Variants in MAP2 observed in about 807,000 individuals in gnomAD.
The protein encoded by MAP2 is microtubule-associated protein 2.
Under a neutral mutation model 137.6 loss-of-function variants are expected in MAP2, and 14 were observed. The observed-to-expected ratio is 0.10, with a 90% confidence interval of 0.07 to 0.16. The LOEUF is 0.16. Ranked by LOEUF, MAP2 falls within the 10% of genes least tolerant of loss-of-function variation. The probability of loss-of-function intolerance (pLI) is 1.00; values close to 1 mark genes in which losing one functional copy is unlikely to be tolerated. For missense variants in MAP2, 2,088 were observed against 2,191.5 expected, an observed-to-expected ratio of 0.95 and a Z score of 0.94; for synonymous variants, 786 against 782.3, an observed-to-expected ratio of 1.00 and a Z score of -0.08.
chr2:209,521,720 T>C (rs918363277), intron 2 of MAP2, among the ~76,000 whole-genome samples: 2 of 152,092 alleles, frequency 1.3e-5, no homozygotes, highest in South Asian at 2.1e-4. Context: ...CCATCTGAGC[T>C]GATATACCAG....
chr2:209,594,108 G>A (rs1312559207), intron 3 of MAP2, among the ~76,000 whole-genome samples: 4 of 135,988 alleles, frequency 2.9e-5, no homozygotes, highest in South Asian at 4.6e-4. Flanking sequence ...TGATTGTGTC[G>A]CTGCACTCCG....
chr2:209,487,910 T>A (rs182796141), intron 1 of MAP2, among the ~76,000 whole-genome samples: 2 of 152,196 alleles, frequency 1.3e-5, no homozygotes, highest in African/African-American at 4.8e-5. Flanking sequence ...AGGAACTTGG[T>A]TGGGAATATG....
chr2:209,674,488 T>C (rs1341601919), intron 5 of MAP2, among the ~76,000 whole-genome samples: 1 of 151,802 alleles, frequency 6.6e-6, no homozygotes, highest in Non-Finnish European at 1.5e-5. Flanking sequence ...TGAATACATT[T>C]CATAGTATGA....
rs79907732 is a variant in MAP2 at position 209,668,019 on chromosome 2, A to T, written c.263-10553A>T. Among the ~76,000 whole-genome samples, 55 of 152,118 alleles carry T rather than the reference A, an allele frequency of 3.6e-4. No individual in the cohort carries two copies. The East Asian group carries it at 0.01, about 29-fold the overall frequency. ...CCTACCTAGATAGCATCCTGTTCTT[A>T]CATTTTTCTCAACTCTACCACTCCA... On this transcript the variant is annotated intron_variant, in intron 5 of 15. Coordinates refer to ENST00000682079, the MANE Select transcript of MAP2 (RefSeq NM_001375505.1).
At chr2:209,641,027 C>T (rs1426166271) in intron 4 of MAP2, among the ~76,000 whole-genome samples, 1 of 151,922 alleles carries the variant, frequency 6.6e-6, no homozygotes, top group South Asian at 2.1e-4. Context: ...GTTACAATAC[C>T]AGAAAATCTC....
In MAP2 at chr2:209,574,462, G is replaced by T. The variant is rs201672271; in HGVS notation, c.-171-5574G>T. Reference sequence around the variant, plus strand: ...ACACACACACACACACACACACACAGACACAGAGATTATGGTTTCTTTATC... The same window carrying T: ...ACACACACACACACACACACACACATACACAGAGATTATGGTTTCTTTATC... On this transcript the variant is annotated intron_variant, in intron 2 of 15. Coordinates refer to ENST00000682079, the MANE Select transcript of MAP2 (RefSeq NM_001375505.1). 8.8e-5 allele frequency among the ~76,000 whole-genome samples: 12 copies of T among 136,806 alleles called. No individual in the cohort carries two copies. In the East Asian group the frequency reaches 2.4e-3, roughly 28 times the overall value. The allele number at this position is 136,806 out of a possible 152,430, so 89.8% of individuals were successfully genotyped here.
chr2:209,527,153 A>G (rs1438268448), intron 2 of MAP2, among the ~76,000 whole-genome samples: 1 of 152,132 alleles, frequency 6.6e-6, no homozygotes, highest in Non-Finnish European at 1.5e-5. Flanking sequence ...TCTTAGTGTG[A>G]TATCTGGTGG....
chr2:209,538,929 G>T (rs1330436557), intron 2 of MAP2, among the ~76,000 whole-genome samples: 1 of 152,016 alleles, frequency 6.6e-6, no homozygotes, highest in Non-Finnish European at 1.5e-5. Context: ...TTTCCATCTT[G>T]TCTTTTAGAA....
intron 14 of MAP2, among the ~76,000 whole-genome samples, chr2:209,728,025 T>C (rs1035466606): frequency 2.1e-4 from 32 of 152,294 alleles, no homozygotes; most frequent in Admixed American, 1.9e-3. Flanking sequence ...TCCTAGCTAC[T>C]CAGAGGGCTG....
At chr2:209,459,127 A>G (rs1440337050) in intron 1 of MAP2, among the ~76,000 whole-genome samples, 1 of 152,144 alleles carries the variant, frequency 6.6e-6, no homozygotes, top group Non-Finnish European at 1.5e-5. Flanking sequence ...TATATAGTGT[A>G]CTAATTAAGA....
At chr2:209,678,438 A>G in intron 5 of MAP2, 134 bp from the exon 6 acceptor site, 1 of 391,196 alleles carries the variant, frequency 2.6e-6, no homozygotes, top group Non-Finnish European at 4.6e-6. Flanking sequence ...TTTTCTCTGC[A>G]ATTAAAAAAT....
chr2:209,546,442 A>G (rs1381428625), intron 2 of MAP2, among the ~76,000 whole-genome samples: 1 of 152,214 alleles, frequency 6.6e-6, no homozygotes, highest in African/African-American at 2.4e-5. Context: ...ATATTGTCAT[A>G]GAGATAATGT....
chr2:209,714,021 G>A (rs1159302031), intron 13 of MAP2, among the ~76,000 whole-genome samples: 5 of 151,132 alleles, frequency 3.3e-5, no homozygotes, highest in Non-Finnish European at 5.9e-5. Context: ...GTGAAACCCC[G>A]TCCCTACTAA....
intron 2 of MAP2, among the ~76,000 whole-genome samples, chr2:209,538,708 A>G (rs897411550): frequency 6.6e-6 from 1 of 152,112 alleles, no homozygotes; most frequent in African/African-American, 2.4e-5. Flanking sequence ...CTCTGCAGTT[A>G]ATAAAAACAC....
Position 209,457,549 on chromosome 2 carries a change from T to C in MAP2, c.-222+33273T>C, listed in dbSNP as rs116738045. Among the ~76,000 whole-genome samples, 941 of 152,278 alleles carry C rather than the reference T, an allele frequency of 6.2e-3. 6 individuals are homozygous for C. The highest frequency in any genetic ancestry group is 0.011 in the Non-Finnish European group (755 of 68,014). ...AAAGAATATTCAACCGGTGGTCATATAATGAAGCTCTGAACTGCAACTCTT... is the reference window on the plus strand; with the variant it reads ...AAAGAATATTCAACCGGTGGTCATACAATGAAGCTCTGAACTGCAACTCTT... On this transcript the variant is annotated intron_variant, in intron 1 of 15. Transcript: ENST00000682079.
intron 1 of MAP2, among the ~76,000 whole-genome samples, chr2:209,468,317 C>CTT (rs11450792): frequency 0.26 from 22,575 of 88,498 alleles, 4,637 homozygotes; most frequent in Non-Finnish European, 0.31. Context: ...TTTAGTGTTT[C>CTT]TTTTTTTTTT....
At chr2:209,706,560 G>A (rs947076587) in intron 12 of MAP2, among the ~76,000 whole-genome samples, 1 of 151,832 alleles carries the variant, frequency 6.6e-6, no homozygotes, top group African/African-American at 2.4e-5. Flanking sequence ...GAGGGTAACT[G>A]CTTCACAGTT....
intron 1 of MAP2, among the ~76,000 whole-genome samples, chr2:209,454,292 C>A (rs1321060064): frequency 1.3e-5 from 2 of 151,746 alleles, no homozygotes; most frequent in Non-Finnish European, 2.9e-5. Context: ...GATTGTTCAA[C>A]CACAGCTAAT....
intron 2 of MAP2, among the ~76,000 whole-genome samples, chr2:209,517,688 A>G (rs1166992493): frequency 6.6e-6 from 1 of 152,058 alleles, no homozygotes; most frequent in African/African-American, 2.4e-5. Flanking sequence ...CAAACAATGT[A>G]CCATTAACTA....
Sources: gnomAD v4.1 joint callset for allele counts (sites outside exome capture counted in the v4.1 genomes callset) on GRCh38, gnomAD v4.1.1 for gene constraint, MANE v1.5 for transcripts, NCBI Gene and HGNC (gene_info 2026-07-23, HGNC 2026-07-21) for gene names.